The following DCHS2 variants were observed in gnomAD, a reference collection of about 807,000 sequenced individuals.
DCHS2 encodes protocadherin-23.
A neutral mutation model predicts 182.4 loss-of-function variants in DCHS2; 142 were observed. The ratio of observed to expected loss-of-function variants is 0.78; its 90% confidence interval spans 0.68 to 0.89. The LOEUF is 0.89. Among genes scored for constraint, DCHS2 ranks in the 40% least tolerant of loss-of-function variants. The pLI is 0.00. For synonymous variants in DCHS2, 1,740 were observed against 1,663.3 expected (o/e 1.05, Z -1.12); for missense variants, 4,319 against 4,198.6 (o/e 1.03, Z -0.79).
At chr4:154,426,741 C>T (rs1283061152) in intron 1 of DCHS2, among the ~76,000 whole-genome samples, 2 of 151,380 alleles carry the variant, frequency 1.3e-5, no homozygotes, top group Non-Finnish European at 2.9e-5. Flanking sequence ...TGAGACCAGC[C>T]TGGGCAACAT....
intron 1 of DCHS2, among the ~76,000 whole-genome samples, chr4:154,386,330 T>C (rs1475515418): frequency 1.3e-5 from 2 of 152,152 alleles, no homozygotes; most frequent in African/African-American, 4.8e-5. Context: ...CACTGGCTTG[T>C]TCCCACCTTA....
At chr4:154,307,293 T>C (rs1735475758) in intron 10 of DCHS2, among the ~76,000 whole-genome samples, 1 of 152,170 alleles carries the variant, frequency 6.6e-6, no homozygotes, top group Non-Finnish European at 1.5e-5. Flanking sequence ...CTGAGCAAAT[T>C]GGAAATTTGG....
intron 7 of DCHS2, 137 bp from the exon 8 acceptor site, chr4:154,322,625 C>T (rs1736110364): frequency 1.8e-6 from 2 of 1,142,414 alleles, no homozygotes; most frequent in Middle Eastern, 3.0e-4. Context: ...AAAAATGACA[C>T]TAAAAATAGA....
chr4:154,366,179 A>G, intron 3 of DCHS2, 31 bp downstream of exon 3: 2 of 1,573,502 alleles, frequency 1.3e-6, no homozygotes, highest in Middle Eastern at 3.8e-4. Flanking sequence ...CTTTATAGCC[A>G]AAGGATGAAA....
rs530324389 is a variant in DCHS2, at chr4:154,289,529, T to G, written c.6463+8322A>C. Among the ~76,000 whole-genome samples, 20 of 152,056 alleles carry G rather than the reference T, an allele frequency of 1.3e-4. No homozygotes were observed. The South Asian group carries it at 4.1e-3, about 32-fold the overall frequency. ...ACATTTACAGAAGAACTAACACCTA[T>G]CACACTCAAAGTATTCCAAAAAATA... On this transcript the variant is annotated intron_variant, in intron 13 of 19. Transcript: ENST00000357232.
chr4:154,397,419 G>T (rs1015368611), intron 1 of DCHS2, among the ~76,000 whole-genome samples: 1 of 152,112 alleles, frequency 6.6e-6, no homozygotes, highest in Non-Finnish European at 1.5e-5. Flanking sequence ...GAGCCCATTT[G>T]TATACCTGAA....
At chr4:154,356,296 A>T (rs1729861932) in intron 3 of DCHS2, among the ~76,000 whole-genome samples, 1 of 152,220 alleles carries the variant, frequency 6.6e-6, no homozygotes, top group Non-Finnish European at 1.5e-5. Flanking sequence ...TTGTACAACT[A>T]TACAATGTGT....
At chr4:154,411,523 G>A (rs1202622009) in intron 1 of DCHS2, among the ~76,000 whole-genome samples, 1 of 151,976 alleles carries the variant, frequency 6.6e-6, no homozygotes, top group Non-Finnish European at 1.5e-5. Context: ...CTTGAACCTG[G>A]GAGGCAGAGG....
At chr4:154,442,292 C>T (rs1395933476) in intron 1 of DCHS2, among the ~76,000 whole-genome samples, 1 of 152,048 alleles carries the variant, frequency 6.6e-6, no homozygotes, top group South Asian at 2.1e-4. Context: ...TACTATCATT[C>T]CTCCACCTTG....
intron 16 of DCHS2, among the ~76,000 whole-genome samples, chr4:154,247,830 G>A (rs74653392): frequency 0.04 from 6,076 of 152,126 alleles, 168 homozygotes; most frequent in Non-Finnish European, 0.062. Context: ...GACATGCAAA[G>A]GCTCAGATAA....
chr4:154,246,480 A>G (rs1345645170), intron 16 of DCHS2, among the ~76,000 whole-genome samples: 1 of 152,184 alleles, frequency 6.6e-6, no homozygotes, highest in Non-Finnish European at 1.5e-5. Flanking sequence ...AGAGGTTCTA[A>G]TGACTTTGAA....
intron 3 of DCHS2, among the ~76,000 whole-genome samples, chr4:154,340,605 T>C (rs1043764250): frequency 2.0e-5 from 3 of 152,226 alleles, no homozygotes; most frequent in Non-Finnish European, 4.4e-5. Flanking sequence ...ACACATCACT[T>C]ATTTTATCCT....
intron 16 of DCHS2, among the ~76,000 whole-genome samples, chr4:154,253,711 T>G (rs554978933): frequency 6.6e-6 from 1 of 152,344 alleles, no homozygotes; most frequent in African/African-American, 2.4e-5. Context: ...TCTTAAACTT[T>G]TAAAATACTT....
At chr4:154,374,002 CAAAAAAAAAAAAAA>C (rs35401379) in intron 2 of DCHS2, 1 of 595,244 alleles carries the variant, frequency 1.7e-6, no homozygotes, top group South Asian at 2.6e-5. Context: ...ATTTTAATAG[CAAAAAAAAAAAAAA>C]AAAAAAAAAC....
At chr4:154,360,330 T>C (rs1730059063) in intron 3 of DCHS2, among the ~76,000 whole-genome samples, 1 of 152,104 alleles carries the variant, frequency 6.6e-6, no homozygotes, top group South Asian at 2.1e-4. Context: ...AGCCTCAATT[T>C]CTTCCTCCAC....
rs1360834406 is a variant in DCHS2, at chr4:154,491,386, G to T, written c.-31C>A. ...CTCCAGCTCCTTGGGAAGGCTCTCG[G>T]GTAACTGCCAGCTTGTGGCAGGATC... On this transcript the variant is annotated 5_prime_UTR_variant, in exon 1 of 20. Coordinates refer to ENST00000357232, the MANE Select transcript of DCHS2 (RefSeq NM_001358235.2). The T allele has an allele frequency of 6.8e-7, 1 of 1,475,508 alleles. No homozygotes were observed. 91.4% of individuals were successfully genotyped at this position (1,475,508 alleles called of 1,614,324 possible). A position where few individuals can be genotyped will look rare whatever the true frequency, so the allele number is the denominator to read the frequency against.
chr4:154,438,797 T>C (rs1733881869), intron 1 of DCHS2, among the ~76,000 whole-genome samples: 1 of 152,186 alleles, frequency 6.6e-6, no homozygotes, highest in South Asian at 2.1e-4. Context: ...TACTTAATTA[T>C]GCAGCAATAC....
intron 1 of DCHS2, among the ~76,000 whole-genome samples, chr4:154,487,218 T>C (rs1728619843): frequency 6.6e-6 from 1 of 152,204 alleles, no homozygotes; most frequent in Non-Finnish European, 1.5e-5. Flanking sequence ...TATTATGACT[T>C]TCATTTTTAG....
At chr4:154,347,251 C>T (rs904866106) in intron 3 of DCHS2, among the ~76,000 whole-genome samples, 2 of 148,870 alleles carry the variant, frequency 1.3e-5, no homozygotes, top group Non-Finnish European at 3.0e-5. Flanking sequence ...CCTACATAAA[C>T]CTGGCATCCT....
Sources: allele counts gnomAD v4.1 joint callset (sites outside exome capture counted in the v4.1 genomes callset), GRCh38; gene constraint gnomAD v4.1.1; transcripts MANE v1.5; gene names NCBI Gene and HGNC (gene_info 2026-07-23, HGNC 2026-07-21).